The following BRINP3 variants were observed in gnomAD, a reference collection of about 807,000 sequenced individuals.
BRINP3 encodes the protein BMP/retinoic acid-inducible neural-specific protein 3.
Under a neutral mutation model 71.0 loss-of-function variants are expected in BRINP3, and 19 were observed. That is an observed-to-expected ratio of 0.27 (90% CI 0.19 to 0.39). BRINP3 has a LOEUF of 0.39. BRINP3 is among the 10% of genes least tolerant of loss of function. The pLI, the probability that BRINP3 is intolerant of heterozygous loss-of-function variation, is 1.00. For synonymous variants in BRINP3, 380 were observed against 337.7 expected (o/e 1.13, Z -1.37); for missense variants, 959 against 940.8 (o/e 1.02, Z -0.25).
At chr1:190,136,505 C>T (rs1420371565) in intron 7 of BRINP3, among the ~76,000 whole-genome samples, 3 of 152,134 alleles carry the variant, frequency 2.0e-5, no homozygotes, top group Non-Finnish European at 4.4e-5. Flanking sequence ...TTCCAGTATA[C>T]TGCTCACCTT....
At chr1:190,165,569 G>T (rs1651453378) in intron 6 of BRINP3, among the ~76,000 whole-genome samples, 1 of 146,618 alleles carries the variant, frequency 6.8e-6, no homozygotes, top group Non-Finnish European at 1.5e-5. Context: ...AAATAAATAT[G>T]AAACTATGTT....
At chr1:190,105,430 C>G (rs1652067237) in intron 7 of BRINP3, among the ~76,000 whole-genome samples, 1 of 152,070 alleles carries the variant, frequency 6.6e-6, no homozygotes, top group African/African-American at 2.4e-5. Context: ...ATAATATTAG[C>G]TGATGTTAAC....
chr1:190,137,620 A>G (rs1655086582), intron 7 of BRINP3, among the ~76,000 whole-genome samples: 1 of 152,132 alleles, frequency 6.6e-6, no homozygotes, highest in South Asian at 2.1e-4. Flanking sequence ...AAACCCGTAC[A>G]GTTTTTAAGT....
intron 2 of BRINP3, among the ~76,000 whole-genome samples, chr1:190,337,782 C>T (rs578150699): frequency 1.3e-5 from 2 of 152,168 alleles, no homozygotes; most frequent in East Asian, 1.9e-4. Context: ...CATATATACA[C>T]CTATCCTATT....
intron 2 of BRINP3, among the ~76,000 whole-genome samples, chr1:190,406,826 A>G (rs1243592333): frequency 6.6e-6 from 1 of 152,224 alleles, no homozygotes; most frequent in Non-Finnish European, 1.5e-5. Context: ...GAATTTAGTT[A>G]CCTTTTATAA....
At chr1:190,177,150 C>CT (rs1030190199) in intron 6 of BRINP3, among the ~76,000 whole-genome samples, 953 of 63,226 alleles carry the variant, frequency 0.015, 211 homozygotes, top group African/African-American at 0.029. Flanking sequence ...GCACCCACTT[C>CT]TTTTTTTTTT....
At chr1:190,440,423 G>A (rs549746813) in intron 2 of BRINP3, among the ~76,000 whole-genome samples, 98 of 151,918 alleles carry the variant, frequency 6.5e-4, no homozygotes, top group Non-Finnish European at 1.2e-3. Context: ...CCTGCAGTCC[G>A]TTCTACGGCA....
intron 1 of BRINP3, among the ~76,000 whole-genome samples, chr1:190,474,246 A>G (rs1008035692): frequency 6.6e-5 from 10 of 152,240 alleles, no homozygotes; most frequent in African/African-American, 2.2e-4. Context: ...TTAAACATCT[A>G]AACTGTTTTA....
chr1:190,347,909 A>G (rs1478355186), intron 2 of BRINP3, among the ~76,000 whole-genome samples: 2 of 152,170 alleles, frequency 1.3e-5, no homozygotes, highest in African/African-American at 2.4e-5. Flanking sequence ...GCTAGATCAC[A>G]AAGTAAAGAA....
chr1:190,202,522 G>T (rs1655093551), intron 6 of BRINP3, among the ~76,000 whole-genome samples: 1 of 152,106 alleles, frequency 6.6e-6, no homozygotes, highest in Non-Finnish European at 1.5e-5. Context: ...TACACGATTT[G>T]GGAGGGGCAA....
intron 6 of BRINP3, among the ~76,000 whole-genome samples, chr1:190,214,649 G>T (rs538778020): frequency 6.6e-6 from 1 of 152,070 alleles, no homozygotes; most frequent in Admixed American, 6.6e-5. Flanking sequence ...TGTTTGTGGT[G>T]TTTTCTCCTT....
intron 2 of BRINP3, among the ~76,000 whole-genome samples, chr1:190,299,299 TTAAAG>T: frequency 6.6e-6 from 1 of 152,206 alleles, no homozygotes; most frequent in African/African-American, 2.4e-5. Flanking sequence ...CCATCTCTAT[TTAAAG>T]TAATGATTAA....
At chr1:190,152,537 C>G (rs1240121582) in intron 7 of BRINP3, among the ~76,000 whole-genome samples, 11 of 127,250 alleles carry the variant, frequency 8.6e-5, no homozygotes, top group Non-Finnish European at 1.5e-4. Context: ...CCCAACCCCC[C>G]CCCCGCCCCC....
chr1:190,301,330 A>G (rs1312926840), intron 2 of BRINP3, among the ~76,000 whole-genome samples: 1 of 147,956 alleles, frequency 6.8e-6, no homozygotes, highest in African/African-American at 2.5e-5. Context: ...ACTTCATTTT[A>G]TCTCTGCCAT....
chr1:190,329,785 C>T (rs1666847019), intron 2 of BRINP3, among the ~76,000 whole-genome samples: 1 of 151,858 alleles, frequency 6.6e-6, no homozygotes, highest in African/African-American at 2.4e-5. Flanking sequence ...CAGCATAGTA[C>T]TGACACAAAA....
At chr1:190,103,831 T>G (rs955246957) in intron 7 of BRINP3, among the ~76,000 whole-genome samples, 1 of 151,478 alleles carries the variant, frequency 6.6e-6, no homozygotes, top group Non-Finnish European at 1.5e-5. Flanking sequence ...CACTAAAGCC[T>G]GTCATAATAC....
chr1:190,403,534 G>C (rs892870741), intron 2 of BRINP3, among the ~76,000 whole-genome samples: 1 of 152,254 alleles, frequency 6.6e-6, no homozygotes, highest in East Asian at 1.9e-4. Context: ...GAAGCCAAAT[G>C]GTTTTATTCT....
chr1:190,216,993 G>T (rs1274678094), intron 6 of BRINP3: 1 of 151,656 alleles, frequency 6.6e-6, no homozygotes, highest in Non-Finnish European at 1.5e-5. Flanking sequence ...ACATTACATT[G>T]AATCAGCCTT....
chr1:190,476,286 A>G (rs1429763505), intron 1 of BRINP3, among the ~76,000 whole-genome samples: 2 of 151,752 alleles, frequency 1.3e-5, no homozygotes, highest in Non-Finnish European at 2.9e-5. Flanking sequence ...AGCGTGAACA[A>G]TAGGTTCTTA....
Sources: gnomAD v4.1 joint callset for allele counts (sites outside exome capture counted in the v4.1 genomes callset) on GRCh38, gnomAD v4.1.1 for gene constraint, MANE v1.5 for transcripts, NCBI Gene and HGNC (gene_info 2026-07-23, HGNC 2026-07-21) for gene names.